The following FOXP1 variants were observed in gnomAD, a reference collection of about 807,000 sequenced individuals.
FOXP1 encodes forkhead box P1, also known as forkhead box protein P1.
FOXP1 carries 15 observed loss-of-function variants against 98.2 expected under a neutral mutation model. That is an observed-to-expected ratio of 0.15 (90% CI 0.10 to 0.24). The LOEUF (loss-of-function observed/expected upper bound fraction) is 0.24. Among genes scored for constraint, FOXP1 ranks in the 10% least tolerant of loss-of-function variants. The pLI is 1.00. For synonymous variants in FOXP1, 371 were observed against 314.5 expected, an observed-to-expected ratio of 1.18 and a Z score of -1.90; for missense variants, 633 against 848.5, an observed-to-expected ratio of 0.75 and a Z score of 3.15.
chr3:71,125,806 T>C (rs959188353), intron 6 of FOXP1, among the ~76,000 whole-genome samples: 1 of 152,186 alleles, frequency 6.6e-6, no homozygotes, highest in African/African-American at 2.4e-5. Flanking sequence ...AAAACATTAA[T>C]GTATGTCCAC....
chr3:71,268,994 G>C (rs964321734), intron 5 of FOXP1, among the ~76,000 whole-genome samples: 1 of 152,094 alleles, frequency 6.6e-6, no homozygotes, highest in African/African-American at 2.4e-5. Context: ...AAAAATCTGG[G>C]AAGGTAAATG....
chr3:71,188,908 G>C (rs971099444), intron 6 of FOXP1, among the ~76,000 whole-genome samples: 18 of 152,158 alleles, frequency 1.2e-4, no homozygotes, highest in African/African-American at 4.3e-4. Flanking sequence ...GGGAACACAG[G>C]GTTACCAACC....
chr3:71,462,339 T>C (rs1053606495), intron 3 of FOXP1, among the ~76,000 whole-genome samples: 2 of 152,214 alleles, frequency 1.3e-5, no homozygotes, highest in Admixed American at 1.3e-4. Context: ...TTACTCTGTT[T>C]AGATGTTCAT....
intron 2 of FOXP1, among the ~76,000 whole-genome samples, chr3:71,511,702 C>G (rs914158285): frequency 6.6e-6 from 1 of 152,142 alleles, no homozygotes; most frequent in Admixed American, 6.5e-5. Flanking sequence ...TGATGGCCTA[C>G]ATAATGATCA....
At chr3:71,582,861 C>T (rs1578281600) in intron 1 of FOXP1, 1 of 953,354 alleles carries the variant, frequency 1.0e-6, no homozygotes, top group Non-Finnish European at 1.2e-6. Flanking sequence ...CTCGGGGTAA[C>T]GCGCGCGTGG....
intron 3 of FOXP1, among the ~76,000 whole-genome samples, chr3:71,410,321 C>T (rs544690279): frequency 5.3e-5 from 8 of 152,266 alleles, no homozygotes; most frequent in African/African-American, 1.4e-4. Context: ...ATCAACTGCC[C>T]ACAATTTTTT....
intron 5 of FOXP1, chr3:71,289,546 G>A (rs182379990): frequency 5.0e-4 from 76 of 151,996 alleles, no homozygotes; most frequent in Non-Finnish European, 7.5e-4. Context: ...CACTTACCTT[G>A]ATGACTTTCT....
intron 3 of FOXP1, among the ~76,000 whole-genome samples, chr3:71,361,259 G>A (rs1471553599): frequency 1.3e-5 from 2 of 152,066 alleles, no homozygotes; most frequent in African/African-American, 2.4e-5. Context: ...TCAGAGCAAC[G>A]AGATAATGAA....
intron 11 of FOXP1, among the ~76,000 whole-genome samples, chr3:71,038,656 C>T (rs955520230): frequency 6.6e-6 from 1 of 150,936 alleles, no homozygotes; most frequent in Non-Finnish European, 1.5e-5. Flanking sequence ...GCTAACTAAT[C>T]ATTGCTTTTT....
At chr3:71,186,813 T>C (rs2062675687) in intron 6 of FOXP1, among the ~76,000 whole-genome samples, 1 of 152,244 alleles carries the variant, frequency 6.6e-6, no homozygotes, top group Non-Finnish European at 1.5e-5. Flanking sequence ...TTTGTCACTG[T>C]AAAGTAAGGG....
At chr3:70,992,010 A>C (rs535584267) in intron 13 of FOXP1, among the ~76,000 whole-genome samples, 1 of 152,308 alleles carries the variant, frequency 6.6e-6, no homozygotes, top group South Asian at 2.1e-4. Context: ...CTTTTCAAAG[A>C]ATCTCCATGG....
chr3:71,583,388 G>A, intron 1 of FOXP1, 183 bp downstream of exon 1: 1 of 870,348 alleles, frequency 1.1e-6, no homozygotes, highest in Non-Finnish European at 1.4e-6. Flanking sequence ...GGGAGGGCTG[G>A]GGGAGATGCA....
At chr3:71,296,860 C>A (rs1443288657) in intron 5 of FOXP1, among the ~76,000 whole-genome samples, 1 of 152,168 alleles carries the variant, frequency 6.6e-6, no homozygotes, top group African/African-American at 2.4e-5. Context: ...TTAAAAAGAG[C>A]CTGGCTCCCC....
chr3:70,999,077 G>A (rs770434753), intron 13 of FOXP1, among the ~76,000 whole-genome samples: 2 of 152,086 alleles, frequency 1.3e-5, no homozygotes, highest in Non-Finnish European at 2.9e-5. Flanking sequence ...AATTCTGGTA[G>A]GAAGGTAGTT....
rs1380472173 is a variant in FOXP1 at position 70,957,574 on chromosome 3, A to C, written c.*1673T>G. On this transcript the variant is annotated 3_prime_UTR_variant, in exon 21 of 21. Transcript: ENST00000649528. ...TAAATTAAGCTTCGAAAGGCTCTCG[A>C]ACTAAAAAAAACTACAGTCCTATAT... 4.3e-6 allele frequency: 1 copy of C among 232,412 alleles called. No homozygotes were observed. Among genetic ancestry groups the C allele is most frequent in the East Asian group, 6.1e-5 (1 of 16,422 alleles). The allele number at this position is 232,412 out of a possible 1,614,324, so 14.4% of individuals were successfully genotyped here.
chr3:71,403,998 A>G (rs184875297), intron 3 of FOXP1, among the ~76,000 whole-genome samples: 1 of 152,266 alleles, frequency 6.6e-6, no homozygotes, highest in Admixed American at 6.5e-5. Context: ...AACATGAATG[A>G]TAACAAAAGA....
chr3:71,413,415 C>A (rs1390292489), intron 3 of FOXP1, among the ~76,000 whole-genome samples: 1 of 152,058 alleles, frequency 6.6e-6, no homozygotes, highest in Non-Finnish European at 1.5e-5. Context: ...GAATGGCACA[C>A]ACACACAGAC....
intron 7 of FOXP1, among the ~76,000 whole-genome samples, chr3:71,094,685 A>C (rs893274773): frequency 1.5e-5 from 2 of 137,930 alleles, no homozygotes; most frequent in African/African-American, 5.5e-5. Flanking sequence ...CTAATTGCTT[A>C]TTGTATACAA....
At chr3:71,386,638 G>A (rs1220079351) in intron 3 of FOXP1, among the ~76,000 whole-genome samples, 1 of 151,012 alleles carries the variant, frequency 6.6e-6, no homozygotes, top group East Asian at 2.0e-4. Context: ...AGCTACTCGG[G>A]AGGCTGAGGC....
Sources: gnomAD v4.1 joint callset for allele counts (sites outside exome capture counted in the v4.1 genomes callset) on GRCh38, gnomAD v4.1.1 for gene constraint, MANE v1.5 for transcripts, NCBI Gene and HGNC (gene_info 2026-07-23, HGNC 2026-07-21) for gene names.